The following LRRC8B variants were observed in gnomAD, a reference collection of about 807,000 sequenced individuals.
LRRC8B encodes volume-regulated anion channel subunit LRRC8B.
Under a neutral mutation model 58.8 loss-of-function variants are expected in LRRC8B, and 23 were observed. The ratio of observed to expected loss-of-function variants is 0.39; its 90% CI spans 0.28 to 0.55. LRRC8B has a LOEUF of 0.55. Among genes scored for constraint, LRRC8B ranks in the 20% least tolerant of loss-of-function variants. The pLI is 0.62. For synonymous variants in LRRC8B, 359 were observed against 374.1 expected, an observed-to-expected ratio of 0.96 and a Z score of 0.47; for missense variants, 694 against 936.0, an observed-to-expected ratio of 0.74 and a Z score of 3.37.
At chr1:89,559,649 C>T (rs1014549945) in intron 1 of LRRC8B, among the ~76,000 whole-genome samples, 22 of 150,674 alleles carry the variant, frequency 1.5e-4, no homozygotes, top group African/African-American at 5.1e-4. Context: ...CACACACACA[C>T]ACATATATGT....
rs888750669 is a variant in LRRC8B at position 89,594,762 on chromosome 1, A to G, written c.*1719A>G. 2.6e-5 allele frequency: 4 copies of G among 152,086 alleles called. No individual in the cohort carries two copies. The highest frequency in any genetic ancestry group is 9.7e-5 in the African/African-American group (4 of 41,438). The allele number at this position is 152,086 out of a possible 1,614,324, so 9.4% of individuals were successfully genotyped here. ...TAAAATCAACTGACTCATTTTTGGG[A>G]AATGTACATCTTTAATATGTTTTTC... On this transcript the variant is annotated 3_prime_UTR_variant, in exon 6 of 6. Coordinates refer to ENST00000330947, the MANE Select transcript of LRRC8B (RefSeq NM_001369817.2).
chr1:89,542,376 C>T (rs1651065950), intron 1 of LRRC8B, among the ~76,000 whole-genome samples: 1 of 152,166 alleles, frequency 6.6e-6, no homozygotes, highest in African/African-American at 2.4e-5. Context: ...TAATCTTTGT[C>T]TCTGTCACCA....
rs374975899 is a variant in LRRC8B at position 89,583,927 on chromosome 1, T to G, written c.1277T>G (p.Leu426Arg). Reference sequence around the variant, plus strand: ...GCCCAGGACAAGATAGAACTGCATCTTTTTATGCTCAACGGTCTTCCAGAC... The same window carrying G: ...GCCCAGGACAAGATAGAACTGCATCGTTTTATGCTCAACGGTCTTCCAGAC... ...KNAQDKIELH[L>R]FMLNGLPDNV... is the part of the protein sequence containing the mutation. Residue 426 changes from leucine to arginine, a missense_variant, in exon 5 of 6, where the codon CTT becomes CGT. Transcript: ENST00000330947. The surrounding 1 kb of genome is among the most constrained non-coding windows in gnomAD (Gnocchi z 5.2). 1 of 1,614,246 alleles carries G rather than the reference T, an allele frequency of 6.2e-7. No homozygotes were observed. The highest frequency in any genetic ancestry group is 8.5e-7 in the Non-Finnish European group (1 of 1,180,034).
At chr1:89,553,754 T>A (rs1651983088) in intron 1 of LRRC8B, among the ~76,000 whole-genome samples, 3 of 152,228 alleles carry the variant, frequency 2.0e-5, no homozygotes, top group Admixed American at 1.3e-4. Context: ...CTCAGAATTT[T>A]AATTTTGAAG....
chr1:89,540,929 A>G (rs961103240), intron 1 of LRRC8B, among the ~76,000 whole-genome samples: 1 of 152,226 alleles, frequency 6.6e-6, no homozygotes, highest in African/African-American at 2.4e-5. Flanking sequence ...ACATTTTACT[A>G]GTTTTACTAT....
chr1:89,566,729 A>T (rs116823495), intron 1 of LRRC8B, among the ~76,000 whole-genome samples: 2,614 of 152,338 alleles, frequency 0.017, 85 homozygotes, highest in African/African-American at 0.059. Context: ...CTGACAAGAA[A>T]GAAACAAGAA....
chr1:89,528,756 C>T (rs779918199), intron 1 of LRRC8B, among the ~76,000 whole-genome samples: 1 of 152,142 alleles, frequency 6.6e-6, no homozygotes, highest in Non-Finnish European at 1.5e-5. Context: ...AGGCCCTCAG[C>T]TTCATGATCC....
chr1:89,562,730 A>G (rs529540343), intron 1 of LRRC8B, among the ~76,000 whole-genome samples: 21 of 152,246 alleles, frequency 1.4e-4, no homozygotes, highest in South Asian at 6.2e-4. Context: ...TTGAGCTCCT[A>G]AAGTGCTGGG....
intron 1 of LRRC8B, among the ~76,000 whole-genome samples, chr1:89,550,509 A>T (rs1396913724): frequency 6.6e-6 from 1 of 152,168 alleles, no homozygotes; most frequent in Non-Finnish European, 1.5e-5. Context: ...CGCTAGGTTC[A>T]CTTGCGAGAA....
rs36084789 is a variant in LRRC8B at position 89,583,481 on chromosome 1, A to G, written c.831A>G (p.Pro277=). The change falls in exon 5 of 6, where the codon CCA becomes CCG. Residue 277 remains proline (P), a synonymous_variant. Transcript: ENST00000330947. This position sits in a 1 kb window ranked among gnomAD's most constrained non-coding sequence, Gnocchi z 5.2. Reference sequence around the variant, plus strand: ...TTGTGCTCATCATAACTTATGTTCCATATTTTTTAACCCACATCACTCTTG... The same window carrying G: ...TTGTGCTCATCATAACTTATGTTCCGTATTTTTTAACCCACATCACTCTTG... The part of the protein sequence containing the change: ...ILFVLIITYV[P]YFLTHITLEI... The G allele has an allele frequency of 0.24, 387,042 of 1,613,770 alleles. 49,217 individuals carry two copies. The highest frequency in any genetic ancestry group is 0.33 in the South Asian group (30,337 of 91,066).
rs569105079 is a variant in LRRC8B at position 89,548,874 on chromosome 1, C to T, written c.-240-19373C>T. 3.9e-5 allele frequency among the ~76,000 whole-genome samples: 6 copies of T among 152,262 alleles called. No individual in the cohort carries two copies. In the South Asian group the frequency reaches 6.2e-4, roughly 16 times the overall value. On this transcript the variant is annotated intron_variant, in intron 1 of 5. Coordinates refer to ENST00000330947, the MANE Select transcript of LRRC8B (RefSeq NM_001369817.2). ...TTCAGGGCTCTGCAGGGTCCCACCA[C>T]AACATACATTCTGAGAGTTTGTTTG... is the stretch of plus-strand genomic sequence containing the variant.
At chr1:89,551,696 G>T (rs10493825) in intron 1 of LRRC8B, among the ~76,000 whole-genome samples, 97 of 152,188 alleles carry the variant, frequency 6.4e-4, no homozygotes, top group African/African-American at 2.2e-3. Context: ...GAGTGAGGGA[G>T]TAACAAGAAA....
At chr1:89,574,462 A>G (rs907892641) in intron 3 of LRRC8B, among the ~76,000 whole-genome samples, 31 of 152,200 alleles carry the variant, frequency 2.0e-4, no homozygotes, top group African/African-American at 7.5e-4. Flanking sequence ...TATATTGAGA[A>G]AAAAGTCAGC....
chr1:89,570,738 T>A (rs918622053), intron 3 of LRRC8B, among the ~76,000 whole-genome samples: 1 of 152,258 alleles, frequency 6.6e-6, no homozygotes, highest in Admixed American at 6.5e-5. Context: ...TTGTCAATTT[T>A]TGCTTTTGTT....
chr1:89,547,230 G>T (rs1303287005), intron 1 of LRRC8B, among the ~76,000 whole-genome samples: 1 of 13,190 alleles, frequency 7.6e-5, no homozygotes, highest in East Asian at 2.5e-3. Context: ...AAGAACCAGG[G>T]TCCTTTTTTT....
intron 1 of LRRC8B, among the ~76,000 whole-genome samples, chr1:89,564,700 G>A (rs1159844580): frequency 6.6e-6 from 1 of 152,134 alleles, no homozygotes; most frequent in Admixed American, 6.5e-5. Flanking sequence ...GAGGCAGGAA[G>A]GCATCAAATC....
chr1:89,574,165 G>C (rs1653668136), intron 3 of LRRC8B, among the ~76,000 whole-genome samples: 1 of 152,238 alleles, frequency 6.6e-6, no homozygotes, highest in Admixed American at 6.5e-5. Flanking sequence ...GTTGTGACTT[G>C]AGGCACTTTG....
chr1:89,573,285 C>A (rs1653601049), intron 3 of LRRC8B, among the ~76,000 whole-genome samples: 1 of 147,788 alleles, frequency 6.8e-6, no homozygotes, highest in Non-Finnish European at 1.5e-5. Flanking sequence ...GAGCACAGAG[C>A]AAGACTCCGT....
At chr1:89,529,234 C>T (rs1259484701) in intron 1 of LRRC8B, among the ~76,000 whole-genome samples, 3 of 152,102 alleles carry the variant, frequency 2.0e-5, no homozygotes, top group African/African-American at 7.2e-5. Context: ...CTTTAATTGT[C>T]TAGTTTCCCT....
Sources: gnomAD v4.1 joint callset for allele counts (sites outside exome capture counted in the v4.1 genomes callset) on GRCh38, gnomAD v4.1.1 for gene constraint, Gnocchi (gnomAD v3.1) non-coding constraint, MANE v1.5 for transcripts, NCBI Gene and HGNC (gene_info 2026-07-23, HGNC 2026-07-21) for gene names.